ITGB2: variants seen among roughly 807,000 people sequenced by gnomAD.
ITGB2 encodes integrin beta-2.
A neutral mutation model predicts 86.8 loss-of-function variants in ITGB2; 56 were observed. That is an observed-to-expected ratio of 0.65 (90% CI 0.52 to 0.81). The LOEUF (loss-of-function observed/expected upper bound fraction) is 0.81, where lower values mean the gene tolerates loss of function less well. Among genes scored for constraint, ITGB2 ranks in the 30% least tolerant of loss-of-function variants. The probability of loss-of-function intolerance (pLI) is 0.00; values close to 1 mark genes in which losing one functional copy is unlikely to be tolerated. For synonymous variants in ITGB2, 457 were observed against 450.4 expected, an observed-to-expected ratio of 1.01 and a Z score of -0.19; for missense variants, 948 against 1,061.2, an observed-to-expected ratio of 0.89 and a Z score of 1.48.
At chr21:44,891,287 G>A (rs1054859072) in intron 11 of ITGB2, among the ~76,000 whole-genome samples, 1 of 152,172 alleles carries the variant, frequency 6.6e-6, no homozygotes, top group Non-Finnish European at 1.5e-5. Flanking sequence ...GCACGCCCAA[G>A]AGGTGGCCTA....
In ITGB2 at chr21:44,888,905, G is replaced by A. The variant is rs199959372; in HGVS notation, c.1878-10C>T. 22 of 1,601,534 alleles carry A rather than the reference G, an allele frequency of 1.4e-5. No homozygotes were observed. The Admixed American group carries it at 3.5e-4, about 26-fold the overall frequency. ...GCACTCGGCGCAGGAGCTGCGGGGA[G>A]CCAGGTGTGAGCATCGGTGCCAGGG... On this transcript the variant is annotated splice_polypyrimidine_tract_variant and intron_variant, in intron 13 of 15. Transcript: ENST00000652462.
intron 11 of ITGB2, among the ~76,000 whole-genome samples, chr21:44,890,785 G>A (rs2146501932): frequency 6.6e-6 from 1 of 152,268 alleles, no homozygotes; most frequent in East Asian, 1.9e-4. Context: ...GCTCCCCAGA[G>A]GAGGAAGCTG....
intron 1 of ITGB2, among the ~76,000 whole-genome samples, chr21:44,916,114 A>G (rs1055039434): frequency 6.6e-6 from 1 of 151,844 alleles, no homozygotes; most frequent in Non-Finnish European, 1.5e-5. Context: ...GTAGAGATGG[A>G]GTTTCACCAT....
chr21:44,910,424 A>G lies in ITGB2; in HGVS notation c.59-52T>C, dbSNP rs759140572. 1.3e-5 allele frequency: 21 copies of G among 1,612,784 alleles called. No individual in the cohort carries two copies. The East Asian group carries it at 4.7e-4, about 36-fold the overall frequency. Reference sequence around the variant, plus strand: ...GGGTGCTCTGGGCCGCCCTGCCCACACCCAAGGGGGAGTAGAGCAGGAAGG... The same window carrying G: ...GGGTGCTCTGGGCCGCCCTGCCCACGCCCAAGGGGGAGTAGAGCAGGAAGG... On this transcript the variant is annotated intron_variant, in intron 2 of 15. Coordinates refer to ENST00000652462, the MANE Select transcript of ITGB2 (RefSeq NM_000211.5).
At chr21:44,918,933 C>A in intron 1 of ITGB2, among the ~76,000 whole-genome samples, 1 of 147,926 alleles carries the variant, frequency 6.8e-6, no homozygotes. Context: ...CCTTGGGTGG[C>A]TAAGCGTCCC....
Position 44,901,080 on chromosome 21 carries a change from G to C in ITGB2, c.741+412C>G, listed in dbSNP as rs376999738. 2.2e-3 allele frequency among the ~76,000 whole-genome samples: 339 copies of C among 152,322 alleles called. 2 individuals carry two copies. Among genetic ancestry groups the C allele is most frequent in the African/African-American group, 7.6e-3 (316 of 41,578 alleles). ...TGTTAGGCTGACAGTCACAAACTGGGTGGGCGGGACGTGGAGAGCGACACA... is the reference window on the plus strand; with the variant it reads ...TGTTAGGCTGACAGTCACAAACTGGCTGGGCGGGACGTGGAGAGCGACACA... On this transcript the variant is annotated intron_variant, in intron 6 of 15. Coordinates refer to ENST00000652462, the MANE Select transcript of ITGB2 (RefSeq NM_000211.5).
chr21:44,895,921 A>T (rs1420661055), intron 8 of ITGB2, among the ~76,000 whole-genome samples: 1 of 152,142 alleles, frequency 6.6e-6, no homozygotes, highest in African/African-American at 2.4e-5. Context: ...AATAAAAAAA[A>T]AATTACTGTT....
intron 8 of ITGB2, among the ~76,000 whole-genome samples, chr21:44,898,078 G>A (rs2083894918): frequency 6.6e-6 from 1 of 152,188 alleles, no homozygotes; most frequent in Non-Finnish European, 1.5e-5. Context: ...GGGGCCTCAG[G>A]TCACACCGGA....
Position 44,891,707 on chromosome 21 carries a change from T to G in ITGB2, c.1412+102A>C, listed in dbSNP as rs1329754274. 8 of 1,324,930 alleles carry G rather than the reference T, an allele frequency of 6.0e-6. No homozygotes were observed. In the Admixed American group the frequency reaches 1.3e-4, roughly 22 times the overall value. The allele number at this position is 1,324,930 out of a possible 1,614,324, so 82.1% of individuals were successfully genotyped here. ...CCCCCAGGATGCCTGCTCCGTGGGG[T>G]GGGGGAAGGGATGGAGCCACCTGCA... is the stretch of plus-strand genomic sequence containing the variant. On this transcript the variant is annotated intron_variant, in intron 11 of 15. Coordinates refer to ENST00000652462, the MANE Select transcript of ITGB2 (RefSeq NM_000211.5).
chr21:44,913,618 C>T (rs1177234090), intron 1 of ITGB2, among the ~76,000 whole-genome samples: 1 of 152,164 alleles, frequency 6.6e-6, no homozygotes, highest in Non-Finnish European at 1.5e-5. Flanking sequence ...TGGCTGAGCC[C>T]AGACAAACAG....
chr21:44,905,268 G>A (rs2084025640), intron 4 of ITGB2, among the ~76,000 whole-genome samples: 1 of 152,116 alleles, frequency 6.6e-6, no homozygotes, highest in African/African-American at 2.4e-5. Flanking sequence ...CTGTGGCCCT[G>A]GGGTGCTGTT....
At chr21:44,910,197 G>A (rs2084108209) in intron 3 of ITGB2, 87 bp downstream of exon 3, 1 of 1,527,116 alleles carries the variant, frequency 6.5e-7, no homozygotes, top group African/African-American at 1.4e-5. Context: ...GGAGTTGTTG[G>A]TCCTCTGGGT....
In ITGB2 at chr21:44,916,783, A is replaced by T. The variant is rs896765732; in HGVS notation, c.-4+4038T>A. 3.3e-5 allele frequency among the ~76,000 whole-genome samples: 5 copies of T among 151,672 alleles called. No homozygotes were observed. In the East Asian group the frequency reaches 7.8e-4, roughly 24 times the overall value. On this transcript the variant is annotated intron_variant, in intron 1 of 15. Transcript: ENST00000652462. ...CTCGCGAGGCTGAGGCAGGAGAATC[A>T]CTTGAGCCCGGGAGGCAGAGGGTGC...
upstream of ITGB2, among the ~76,000 whole-genome samples, chr21:44,922,192 G>A (rs1056359782): frequency 6.6e-6 from 1 of 152,150 alleles, no homozygotes; most frequent in South Asian, 2.1e-4. Context: ...GAAACAAAAC[G>A]CCTAGAGGAC....
rs2083766551 is a variant in ITGB2, at chr21:44,890,165, G to C, written c.1470C>G (p.Ser490Arg). ...NCECQTQGRSSQELEGSCRKD... is the reference protein window; with the variant it reads ...NCECQTQGRSRQELEGSCRKD... ...TCCGGCAGCTTCCTTCCAGCTCCTG[G>C]CTGCTCCGGCCCTGTGTCTGGCACT... Residue 490 changes from serine to arginine, a missense_variant, in exon 12 of 16, where the codon AGC (serine) becomes AGG (arginine). By Grantham distance (110) the Ser-to-Arg change is moderately radical (BLOSUM62 -1). Coordinates refer to ENST00000652462, the MANE Select transcript of ITGB2 (RefSeq NM_000211.5). 2 of 1,613,186 alleles carry C rather than the reference G, an allele frequency of 1.2e-6. No individual in the cohort carries two copies. Among genetic ancestry groups the C allele is most frequent in the Non-Finnish European group, 1.7e-6 (2 of 1,180,022 alleles).
chr21:44,910,746 C>G lies in ITGB2; in HGVS notation c.37G>C (p.Gly13Arg), dbSNP rs2084118820. Residue 13 changes from glycine (G) to arginine (R), a missense_variant, in exon 2 of 16, where the codon GGG becomes CGG. Gly to Arg is a moderately radical substitution (Grantham distance 125). Transcript: ENST00000652462. ...GLRPPLLALV[G>R]LLSLGCVLSQ... ...TCACCGCACCCGAGGGAGAGCAGCC[C>G]CACCAGGGCGAGCAGTGGGGGGCGC... 1 of 1,614,028 alleles carries G rather than the reference C, an allele frequency of 6.2e-7. No individual in the cohort carries two copies. The highest frequency in any genetic ancestry group is 8.5e-7 in the Non-Finnish European group (1 of 1,179,996).
In ITGB2 at chr21:44,903,478, AGGTCGAT is replaced by A; in HGVS notation, c.379_385del (p.Ile127CysfsTer4). 6.2e-7 allele frequency: 1 copy of A among 1,614,006 alleles called. No homozygotes were observed. Among genetic ancestry groups the A allele is most frequent in the Non-Finnish European group, 8.5e-7 (1 of 1,179,936 alleles). ...GTAGGAGAGGTCCATCAGATAGTAC[AGGTCGAT>A]GGGGTAGCCCTTGGCCCGCCGGAAG... is the stretch of plus-strand genomic sequence containing the variant. On this transcript the variant is annotated frameshift_variant, in exon 5 of 16. Coordinates refer to ENST00000652462, the MANE Select transcript of ITGB2 (RefSeq NM_000211.5). LOFTEE classifies it high-confidence loss of function.
At chr21:44,890,316 A>C in intron 11 of ITGB2, 94 bp from the exon 12 acceptor site, 1 of 1,516,590 alleles carries the variant, frequency 6.6e-7, no homozygotes, top group Non-Finnish European at 9.1e-7. Flanking sequence ...CCCTTGGTGG[A>C]GAACACCCCT....
rs1449871057 is a variant in ITGB2, at chr21:44,889,952, T to G, written c.1657+26A>C. ...CAAGTCTGTGCCGCAGGACGGCCGT[T>G]GTCCAGCAGGGACCCACGGGCTCAC... is the stretch of plus-strand genomic sequence containing the variant. On this transcript the variant is annotated intron_variant, in intron 12 of 15. Coordinates refer to ENST00000652462, the MANE Select transcript of ITGB2 (RefSeq NM_000211.5). The G allele has an allele frequency of 1.7e-5, 27 of 1,612,262 alleles. No individual in the cohort carries two copies. The African/African-American group carries it at 3.3e-4, about 20-fold the overall frequency.
Sources: gnomAD v4.1 joint callset for allele counts (sites outside exome capture counted in the v4.1 genomes callset) on GRCh38, gnomAD v4.1.1 for gene constraint, MANE v1.5 for transcripts, NCBI Gene and HGNC (gene_info 2026-07-23, HGNC 2026-07-21) for gene names.